The following HMGA2 variants were observed in gnomAD, a reference collection of about 807,000 sequenced individuals.
The protein encoded by HMGA2 is high mobility group protein HMGI-C.
HMGA2 carries 8 observed loss-of-function variants against 19.1 expected under a neutral mutation model. The ratio of observed to expected loss-of-function variants is 0.42; its 90% CI spans 0.25 to 0.76. The LOEUF is 0.76. Among genes scored for constraint, HMGA2 ranks in the 30% least tolerant of loss-of-function variants. The probability of loss-of-function intolerance (pLI) is 0.28; values close to 1 mark genes in which losing one functional copy is unlikely to be tolerated. For missense variants in HMGA2, 109 were observed against 136.3 expected (o/e 0.80, Z 1.00); for synonymous variants, 60 against 48.8 (o/e 1.23, Z -0.96).
intron 3 of HMGA2, among the ~76,000 whole-genome samples, chr12:65,932,233 G>C (rs1055851360): frequency 6.6e-6 from 1 of 152,164 alleles, no homozygotes; most frequent in African/African-American, 2.4e-5. Context: ...TTGAGTTATT[G>C]CCTTCAAATT....
chr12:65,899,060 AAAAAAAAAAAAAG>A (rs1874262454), intron 3 of HMGA2, among the ~76,000 whole-genome samples: 1 of 150,750 alleles, frequency 6.6e-6, no homozygotes, highest in Non-Finnish European at 1.5e-5. Context: ...AAAAAAAAAA[AAAAAAAAAAAAAG>A]ATGAGGAAAC....
chr12:65,892,094 T>C (rs1012200283), intron 3 of HMGA2, among the ~76,000 whole-genome samples: 3 of 152,232 alleles, frequency 2.0e-5, no homozygotes, highest in Non-Finnish European at 2.9e-5. Context: ...CTCACTCTGA[T>C]GGTCTTGGCT....
At chr12:65,937,269 AC>A (rs1823192872) in intron 3 of HMGA2, among the ~76,000 whole-genome samples, 1 of 152,194 alleles carries the variant, frequency 6.6e-6, no homozygotes, top group South Asian at 2.1e-4. Context: ...CTGCAGAGAG[AC>A]AAGCATCTCA....
intron 3 of HMGA2, among the ~76,000 whole-genome samples, chr12:65,930,358 T>C (rs764069756): frequency 1.3e-5 from 2 of 152,156 alleles, no homozygotes; most frequent in South Asian, 2.1e-4. Context: ...TTACAAAAGA[T>C]TGAAAAATGT....
Position 65,935,236 on chromosome 12 carries a change from A to G in HMGA2, c.250-16147A>G, listed in dbSNP as rs144086370. On this transcript the variant is annotated intron_variant, in intron 3 of 4. Coordinates refer to ENST00000403681, the MANE Select transcript of HMGA2 (RefSeq NM_003483.6). ...AACAATAGGTTGAAAAATTAGCTTA[A>G]TTCTAAGCTTATATGTATATAGGGA... The G allele has an allele frequency of 2.6e-5, 4 of 152,316 alleles. No individual in the cohort carries two copies. The East Asian group carries it at 7.7e-4, about 29-fold the overall frequency. 9.4% of individuals were successfully genotyped at this position (152,316 alleles called of 1,614,324 possible).
intron 3 of HMGA2, among the ~76,000 whole-genome samples, chr12:65,849,734 G>GTTTTTTTTTTTTTTTT (rs1309933646): frequency 9.8e-6 from 1 of 102,032 alleles, no homozygotes; most frequent in Admixed American, 9.2e-5. Context: ...GGTAGGCTCT[G>GTTTTTTTTTTTTTTTT]TATTTTTTTT....
At chr12:65,865,678 A>G (rs1319236895) in intron 3 of HMGA2, among the ~76,000 whole-genome samples, 2 of 134,462 alleles carry the variant, frequency 1.5e-5, no homozygotes, top group Admixed American at 1.7e-4. Flanking sequence ...TCTGTCACCC[A>G]GGCTGGAGTG....
chr12:65,828,202 C>G, intron 2 of HMGA2, 115 bp downstream of exon 2: 4 of 773,536 alleles, frequency 5.2e-6, no homozygotes, highest in Non-Finnish European at 9.3e-6. Context: ...CTGGGTAACA[C>G]AAGACTCATT....
intron 3 of HMGA2, among the ~76,000 whole-genome samples, chr12:65,851,903 G>A (rs1219051469): frequency 6.6e-6 from 1 of 152,148 alleles, no homozygotes; most frequent in Non-Finnish European, 1.5e-5. Context: ...CCTTGGACAG[G>A]TGACTTATCC....
intron 3 of HMGA2, among the ~76,000 whole-genome samples, chr12:65,839,702 AGGAT>A (rs1870910326): frequency 6.6e-6 from 1 of 152,236 alleles, no homozygotes; most frequent in Admixed American, 6.5e-5. Flanking sequence ...CCTTAAAGTA[AGGAT>A]ATTTCATTCA....
At chr12:65,906,067 G>T (rs979299247) in intron 3 of HMGA2, among the ~76,000 whole-genome samples, 1 of 152,206 alleles carries the variant, frequency 6.6e-6, no homozygotes, top group African/African-American at 2.4e-5. Context: ...TTACCAAAGA[G>T]CTGATGCTAT....
chr12:65,884,534 AT>A (rs930935592), intron 3 of HMGA2, among the ~76,000 whole-genome samples: 2 of 152,214 alleles, frequency 1.3e-5, no homozygotes, highest in Non-Finnish European at 2.9e-5. Context: ...CAAGGGCAAA[AT>A]TTAAACTTTA....
intron 3 of HMGA2, among the ~76,000 whole-genome samples, chr12:65,863,029 G>A (rs1872193538): frequency 6.6e-6 from 1 of 152,180 alleles, no homozygotes; most frequent in African/African-American, 2.4e-5. Flanking sequence ...TGGCATGGCT[G>A]TTTCATATCT....
intron 3 of HMGA2, among the ~76,000 whole-genome samples, chr12:65,848,565 A>T (rs551761243): frequency 3.4e-4 from 52 of 152,330 alleles, no homozygotes; most frequent in Admixed American, 1.2e-3. Flanking sequence ...TACATAACTT[A>T]AAAGTTTAAG....
intron 4 of HMGA2, chr12:65,958,505 G>A (rs1876663745): frequency 6.6e-6 from 1 of 152,256 alleles, no homozygotes; most frequent in African/African-American, 2.4e-5. Context: ...GAAAATATCT[G>A]ACAGAGAAAT....
chr12:65,925,806 G>A (rs1490026806), intron 3 of HMGA2, among the ~76,000 whole-genome samples: 2 of 152,180 alleles, frequency 1.3e-5, no homozygotes, highest in Non-Finnish European at 2.9e-5. Flanking sequence ...GCACTGACAC[G>A]TGAATGTGTG....
intron 3 of HMGA2, among the ~76,000 whole-genome samples, chr12:65,936,481 AGAAAC>A (rs1261486248): frequency 2.6e-5 from 4 of 152,192 alleles, no homozygotes; most frequent in African/African-American, 9.7e-5. Context: ...CAAACGCCAC[AGAAAC>A]GGCCAGGCTT....
chr12:65,889,987 C>T (rs1201049272), intron 3 of HMGA2, among the ~76,000 whole-genome samples: 1 of 152,130 alleles, frequency 6.6e-6, no homozygotes, highest in Non-Finnish European at 1.5e-5. Flanking sequence ...TAATTCTTAC[C>T]CACTTGTATT....
intron 3 of HMGA2, among the ~76,000 whole-genome samples, chr12:65,913,955 A>G (rs1313109640): frequency 6.6e-6 from 1 of 152,162 alleles, no homozygotes; most frequent in Non-Finnish European, 1.5e-5. Flanking sequence ...ATTTGAAATA[A>G]TTGTCTTTAT....
Sources: gnomAD v4.1 joint callset for allele counts (sites outside exome capture counted in the v4.1 genomes callset) on GRCh38, gnomAD v4.1.1 for gene constraint, MANE v1.5 for transcripts, NCBI Gene and HGNC (gene_info 2026-07-23, HGNC 2026-07-21) for gene names.